Variants in TMX4 observed in about 807,000 individuals in gnomAD.
The protein encoded by TMX4 is thioredoxin-related transmembrane protein 4.
TMX4 carries 23 observed loss-of-function variants against 33.3 expected under a neutral mutation model. The observed-to-expected ratio is 0.69, with a 90% CI of 0.50 to 0.98. The LOEUF is 0.98. Ranked by LOEUF, TMX4 falls within the 50% of genes least tolerant of loss-of-function variation. The pLI, the probability that TMX4 is intolerant of heterozygous loss-of-function variation, is 0.00. For synonymous variants in TMX4, 164 were observed against 161.5 expected, an observed-to-expected ratio of 1.02 and a Z score of -0.12; for missense variants, 399 against 448.9, an observed-to-expected ratio of 0.89 and a Z score of 1.01.
chr20:7,999,414 G>C (rs1426905995), intron 4 of TMX4, among the ~76,000 whole-genome samples: 1 of 152,144 alleles, frequency 6.6e-6, no homozygotes, highest in Non-Finnish European at 1.5e-5. Context: ...TTAAAAGGAA[G>C]AAAGAATGGT....
chr20:7,993,862 T>C (rs1453398273), intron 5 of TMX4, among the ~76,000 whole-genome samples: 1 of 152,082 alleles, frequency 6.6e-6, no homozygotes. Context: ...TCCATTCCCC[T>C]ACATACACAC....
intron 4 of TMX4, 37 bp from the exon 5 acceptor site, chr20:7,996,108 T>C: frequency 6.4e-7 from 1 of 1,554,706 alleles, no homozygotes; most frequent in Non-Finnish European, 8.8e-7. Context: ...AGTGATCATA[T>C]ATACTATAAA....
rs2050588561 is a variant in TMX4 at position 7,978,182 on chromosome 20, G to GT, written c.*4068dup. ...TCATAATACTGACAGAAATAACACT[G>GT]TAACACCAAGATGAGGGACACAGAT... On this transcript the variant is annotated 3_prime_UTR_variant, in exon 8 of 8. Coordinates refer to ENST00000246024, the MANE Select transcript of TMX4 (RefSeq NM_021156.4). 1 of 152,166 alleles carries GT rather than the reference G, an allele frequency of 6.6e-6. No homozygotes were observed. The highest frequency in any genetic ancestry group is 6.5e-5 in the Admixed American group (1 of 15,268). The allele number at this position is 152,166 out of a possible 1,614,324, so 9.4% of individuals were successfully genotyped here.
chr20:7,990,926 A>G (rs1221837373), intron 5 of TMX4, among the ~76,000 whole-genome samples: 1 of 152,260 alleles, frequency 6.6e-6, no homozygotes, highest in Middle Eastern at 3.2e-3. Context: ...GGTACCTTAC[A>G]GATGTGCACC....
Position 8,019,549 on chromosome 20 carries a change from G to A in TMX4, c.65C>T (p.Ala22Val), listed in dbSNP as rs2122893735. Residue 22 changes from alanine (A) to valine (V), a missense_variant, in exon 1 of 8, where the codon GCG becomes GTG. Ala to Val is a moderately conservative substitution (Grantham distance 64, BLOSUM62 0). Transcript: ENST00000246024. ...GGCCTCCTCGGGGCCTGCCGTCGCC[G>A]CCACAGCCGCGATCCAGGCGGCCAG... Reference protein sequence around the residue: ...ALLAAWIAAVAATAGPEEAAL... With the variant: ...ALLAAWIAAVVATAGPEEAAL... The A allele has an allele frequency of 1.4e-6, 2 of 1,457,582 alleles. No homozygotes were observed. The highest frequency in any genetic ancestry group is 6.1e-5 in the East Asian group (2 of 32,900). The allele number at this position is 1,457,582 out of a possible 1,614,324, so 90.3% of individuals were successfully genotyped here. A position where few individuals can be genotyped will look rare whatever the true frequency, so the allele number is the denominator to read the frequency against.
chr20:7,990,709 G>T (rs1030255846), intron 5 of TMX4, among the ~76,000 whole-genome samples: 2 of 152,202 alleles, frequency 1.3e-5, no homozygotes, highest in Admixed American at 6.5e-5. Context: ...GAGTTCACCT[G>T]TGTCATAGGA....
chr20:7,979,545 G>C lies in TMX4; in HGVS notation c.*2706C>G, dbSNP rs2050595883. 1 of 151,938 alleles carries C rather than the reference G, an allele frequency of 6.6e-6. No individual in the cohort carries two copies. The highest frequency in any genetic ancestry group is 6.6e-5 in the Admixed American group (1 of 15,238). 9.4% of individuals were successfully genotyped at this position (151,938 alleles called of 1,614,324 possible). ...ACCTGAGGTCAGGAGTTCAAGACCA[G>C]TCTGACCAACATGGCGAAACCCCGT... On this transcript the variant is annotated 3_prime_UTR_variant, in exon 8 of 8. Coordinates refer to ENST00000246024, the MANE Select transcript of TMX4 (RefSeq NM_021156.4).
At chr20:7,994,223 A>G (rs928313682) in intron 5 of TMX4, among the ~76,000 whole-genome samples, 12 of 152,138 alleles carry the variant, frequency 7.9e-5, no homozygotes, top group African/African-American at 2.9e-4. Flanking sequence ...ATAAATATAC[A>G]TTTATATAAC....
intron 6 of TMX4, among the ~76,000 whole-genome samples, chr20:7,986,667 T>C (rs1255813757): frequency 6.6e-6 from 1 of 152,222 alleles, no homozygotes; most frequent in African/African-American, 2.4e-5. Context: ...TGAACATTTA[T>C]AGTTGCCTAT....
At chr20:8,016,279 G>C (rs2050775087) in intron 1 of TMX4, among the ~76,000 whole-genome samples, 1 of 152,186 alleles carries the variant, frequency 6.6e-6, no homozygotes, top group Non-Finnish European at 1.5e-5. Flanking sequence ...GGCTGAGGCA[G>C]GAGAATTGCT....
At chr20:8,001,660 T>C (rs1371542556) in intron 2 of TMX4, 119 bp from the exon 3 acceptor site, 2 of 824,900 alleles carry the variant, frequency 2.4e-6, no homozygotes, top group Non-Finnish European at 3.6e-6. Flanking sequence ...ACATTTACTA[T>C]TTTTTTTGAC....
At chr20:8,007,075 T>A (rs887508658) in intron 2 of TMX4, among the ~76,000 whole-genome samples, 4 of 152,178 alleles carry the variant, frequency 2.6e-5, no homozygotes, top group Admixed American at 2.0e-4. Flanking sequence ...CTGCAACTTC[T>A]TTTTTTCTAA....
chr20:7,987,449 T>A, intron 5 of TMX4, 60 bp from the exon 6 acceptor site: 1 of 1,197,464 alleles, frequency 8.4e-7, no homozygotes. Flanking sequence ...AATATTTCAA[T>A]CTCTCTCTCT....
chr20:8,005,445 C>T (rs117673495), intron 2 of TMX4, among the ~76,000 whole-genome samples: 3,717 of 152,254 alleles, frequency 0.024, 93 homozygotes, highest in East Asian at 0.065. Flanking sequence ...GTTTTGATGA[C>T]ATTGGAGATG....
Position 7,980,658 on chromosome 20 carries a change from G to A in TMX4, c.*1593C>T, listed in dbSNP as rs761579109. On this transcript the variant is annotated 3_prime_UTR_variant, in exon 8 of 8. Coordinates refer to ENST00000246024, the MANE Select transcript of TMX4 (RefSeq NM_021156.4). ...GACTCTTAACAAACTTCAGCATACTGGGGAAGGAGACTGTCAAGTAACTGA... is the reference window on the plus strand; with the variant it reads ...GACTCTTAACAAACTTCAGCATACTAGGGAAGGAGACTGTCAAGTAACTGA... 1.3e-5 allele frequency: 2 copies of A among 152,224 alleles called. No homozygotes were observed. The highest frequency in any genetic ancestry group is 2.9e-5 in the Non-Finnish European group (2 of 68,052). The allele number at this position is 152,224 out of a possible 1,614,324, so 9.4% of individuals were successfully genotyped here. A position where few individuals can be genotyped will look rare whatever the true frequency, so the allele number is the denominator to read the frequency against.
intron 6 of TMX4, among the ~76,000 whole-genome samples, chr20:7,985,279 T>C (rs200391107): frequency 8.1e-6 from 1 of 123,674 alleles, no homozygotes; most frequent in Non-Finnish European, 1.7e-5. Context: ...ATATATATAT[T>C]TTTTTTTTTT....
In TMX4 at chr20:7,986,651, A is replaced by G. The variant is rs79468175; in HGVS notation, c.615+637T>C. On this transcript the variant is annotated intron_variant, in intron 6 of 7. Transcript: ENST00000246024. Reference sequence around the variant, plus strand: ...GAAATAAAAAATAACAAGAAGTACAACATGCTGAACATTTATAGTTGCCTA... The same window carrying G: ...GAAATAAAAAATAACAAGAAGTACAGCATGCTGAACATTTATAGTTGCCTA... 9.6e-3 allele frequency among the ~76,000 whole-genome samples: 1,464 copies of G among 152,312 alleles called. 47 individuals are homozygous for G. The highest frequency in any genetic ancestry group is 0.065 in the East Asian group (338 of 5,190).
At chr20:8,004,548 A>G (rs73895460) in intron 2 of TMX4, among the ~76,000 whole-genome samples, 14,639 of 152,254 alleles carry the variant, frequency 0.096, 1,813 homozygotes, top group African/African-American at 0.29. Context: ...AGACTGTGAC[A>G]CAACATAAAG....
chr20:7,979,144 T>A lies in TMX4; in HGVS notation c.*3107A>T, dbSNP rs1375668626. 1 of 152,114 alleles carries A rather than the reference T, an allele frequency of 6.6e-6. No individual in the cohort carries two copies. The highest frequency in any genetic ancestry group is 1.5e-5 in the Non-Finnish European group (1 of 68,020). 9.4% of individuals were successfully genotyped at this position (152,114 alleles called of 1,614,324 possible). A position where few individuals can be genotyped will look rare whatever the true frequency, so the allele number is the denominator to read the frequency against. ...CACTTGAGTTCCGGATCAAATATAT[T>A]ATCTACAGAAAAAATCCACAAACTC... On this transcript the variant is annotated 3_prime_UTR_variant, in exon 8 of 8. Coordinates refer to ENST00000246024, the MANE Select transcript of TMX4 (RefSeq NM_021156.4).
Sources: allele counts gnomAD v4.1 joint callset (sites outside exome capture counted in the v4.1 genomes callset), GRCh38; gene constraint gnomAD v4.1.1; transcripts MANE v1.5; gene names NCBI Gene and HGNC (gene_info 2026-07-23, HGNC 2026-07-21).